Variants in PPP3CA observed in about 807,000 individuals in gnomAD.
PPP3CA encodes the protein protein phosphatase 3 catalytic subunit alpha, also known as CAM-PRP catalytic subunit.
A neutral mutation model predicts 66.5 loss-of-function variants in PPP3CA; 14 were observed. The ratio of observed to expected loss-of-function variants is 0.21; its 90% confidence interval spans 0.14 to 0.33. The LOEUF is 0.33. PPP3CA is among the 10% of genes least tolerant of loss of function. The pLI is 1.00. For missense variants in PPP3CA, 317 were observed against 639.5 expected, an observed-to-expected ratio of 0.50 and a Z score of 5.44; for synonymous variants, 232 against 226.2, an observed-to-expected ratio of 1.03 and a Z score of -0.23.
chr4:101,219,190 A>G (rs1725546590), intron 1 of PPP3CA, among the ~76,000 whole-genome samples: 1 of 151,940 alleles, frequency 6.6e-6, no homozygotes, highest in Non-Finnish European at 1.5e-5. Context: ...AAAGTTTCCT[A>G]TTTCATCACT....
intron 2 of PPP3CA, among the ~76,000 whole-genome samples, chr4:101,139,824 T>C (rs1242706218): frequency 6.6e-6 from 1 of 151,854 alleles, no homozygotes; most frequent in East Asian, 1.9e-4. Context: ...CTTTTTTCTA[T>C]TGGCTTGGGG....
At chr4:101,168,877 C>A (rs1402963795) in intron 2 of PPP3CA, among the ~76,000 whole-genome samples, 1 of 152,134 alleles carries the variant, frequency 6.6e-6, no homozygotes, top group Non-Finnish European at 1.5e-5. Flanking sequence ...TATCTGCTTA[C>A]ACATATGATG....
At chr4:101,088,781 GATT>G (rs1320569595) in intron 6 of PPP3CA, among the ~76,000 whole-genome samples, 1 of 152,010 alleles carries the variant, frequency 6.6e-6, no homozygotes, top group Non-Finnish European at 1.5e-5. Flanking sequence ...GCTCAGGTGT[GATT>G]TCAATAGACT....
intron 1 of PPP3CA, among the ~76,000 whole-genome samples, chr4:101,196,370 T>C (rs1286776951): frequency 1.3e-5 from 2 of 152,204 alleles, no homozygotes; most frequent in African/African-American, 4.8e-5. Flanking sequence ...GCATCTATAA[T>C]ATCCTGATTA....
At chr4:101,345,032 T>A (rs544881379) in intron 1 of PPP3CA, among the ~76,000 whole-genome samples, 2 of 152,164 alleles carry the variant, frequency 1.3e-5, no homozygotes, top group African/African-American at 4.8e-5. Flanking sequence ...CTCAAATAAA[T>A]GTGAATGGAC....
rs140072952 is a variant in PPP3CA at position 101,126,845 on chromosome 4, T to A, written c.260-17767A>T. Among the ~76,000 whole-genome samples, 745 of 152,292 alleles carry A rather than the reference T, an allele frequency of 4.9e-3. 4 individuals are homozygous for A. Among genetic ancestry groups the A allele is most frequent in the African/African-American group, 0.017 (702 of 41,554 alleles). On this transcript the variant is annotated intron_variant, in intron 2 of 13. Transcript: ENST00000394854. ...TTGGAAAATGGCCAGGCAACTACAA[T>A]CTACAATGCTGTTTTTATGAAGGTT... is the stretch of plus-strand genomic sequence containing the variant.
chr4:101,302,616 C>G (rs141378455), intron 1 of PPP3CA, among the ~76,000 whole-genome samples: 1 of 152,148 alleles, frequency 6.6e-6, no homozygotes, highest in African/African-American at 2.4e-5. Context: ...CCGCAACCTC[C>G]GCCTCCTGGT....
At chr4:101,227,846 G>A (rs1725832886) in intron 1 of PPP3CA, among the ~76,000 whole-genome samples, 1 of 151,702 alleles carries the variant, frequency 6.6e-6, no homozygotes, top group Admixed American at 6.6e-5. Context: ...AATTCATTTA[G>A]GATAATGTTC....
At chr4:101,036,566 C>T (rs1280126185) in intron 11 of PPP3CA, among the ~76,000 whole-genome samples, 1 of 152,160 alleles carries the variant, frequency 6.6e-6, no homozygotes, top group Non-Finnish European at 1.5e-5. Flanking sequence ...CACCTGCCAC[C>T]ACGCCCAGCT....
intron 2 of PPP3CA, among the ~76,000 whole-genome samples, chr4:101,123,401 A>G (rs938505345): frequency 3.3e-5 from 5 of 152,184 alleles, no homozygotes; most frequent in Admixed American, 2.6e-4. Context: ...AATGAAGAGG[A>G]GTTAGTCACA....
intron 9 of PPP3CA, among the ~76,000 whole-genome samples, chr4:101,062,274 T>A (rs1054425851): frequency 6.6e-6 from 1 of 151,994 alleles, no homozygotes; most frequent in African/African-American, 2.4e-5. Flanking sequence ...TCAGAGATTA[T>A]TAAAAATTTA....
In PPP3CA at chr4:101,106,449, GAAAGA is replaced by G. The variant is rs1730718837; in HGVS notation, c.384+2500_384+2504del. Among the ~76,000 whole-genome samples the G allele has an allele frequency of 2.0e-3, 11 of 5,548 alleles. 4 individuals carry two copies. Among genetic ancestry groups the G allele is most frequent in the African/African-American group, 4.1e-3 (10 of 2,426 alleles). 3.6% of individuals were successfully genotyped at this position (5,548 alleles called of 152,430 possible). ...AGAAAGAAAGAAAGAAAGAAAGAAA[GAAAGA>G]GAAAAGAAAAGAAAAGAAAAGAAAA... On this transcript the variant is annotated intron_variant, in intron 3 of 13. Coordinates refer to ENST00000394854, the MANE Select transcript of PPP3CA (RefSeq NM_000944.5).
intron 1 of PPP3CA, among the ~76,000 whole-genome samples, chr4:101,278,657 T>C (rs1164051625): frequency 2.0e-5 from 3 of 152,238 alleles, no homozygotes; most frequent in Admixed American, 2.0e-4. Context: ...GGCAATGTTA[T>C]ATATAGGTAG....
Position 101,340,443 on chromosome 4 carries a change from C to T in PPP3CA, c.58+6296G>A, listed in dbSNP as rs1454291276. On this transcript the variant is annotated intron_variant, in intron 1 of 13. Coordinates refer to ENST00000394854, the MANE Select transcript of PPP3CA (RefSeq NM_000944.5). ...TTATTTTTTTAATATCTAAAGCTTC[C>T]ACTACCCGAGTGCATATTTGTTAAA... is the stretch of plus-strand genomic sequence containing the variant. 2.0e-5 allele frequency among the ~76,000 whole-genome samples: 3 copies of T among 151,882 alleles called. No homozygotes were observed. The East Asian group carries it at 5.8e-4, about 29-fold the overall frequency.
intron 13 of PPP3CA, among the ~76,000 whole-genome samples, chr4:101,026,569 C>G (rs1726661213): frequency 1.3e-5 from 2 of 152,024 alleles, no homozygotes; most frequent in Admixed American, 6.6e-5. Context: ...CTAAAAGGAG[C>G]TAGAAAAGGA....
At chr4:101,059,727 C>A (rs185547160) in intron 10 of PPP3CA, among the ~76,000 whole-genome samples, 53 of 152,166 alleles carry the variant, frequency 3.5e-4, no homozygotes, top group African/African-American at 1.3e-3. Context: ...TATCTAGTTT[C>A]CCTTGCCCTC....
chr4:101,189,260 A>G (rs1335426496), intron 2 of PPP3CA, among the ~76,000 whole-genome samples: 1 of 152,172 alleles, frequency 6.6e-6, no homozygotes, highest in Non-Finnish European at 1.5e-5. Context: ...ATCATAATTT[A>G]CTATGTACAA....
chr4:101,225,591 C>T (rs865777558), intron 1 of PPP3CA, among the ~76,000 whole-genome samples: 9 of 151,600 alleles, frequency 5.9e-5, no homozygotes, highest in Non-Finnish European at 8.8e-5. Context: ...GTATCAGTTA[C>T]GGGCACAGCA....
intron 1 of PPP3CA, among the ~76,000 whole-genome samples, chr4:101,247,968 G>A (rs917707367): frequency 6.6e-6 from 1 of 152,130 alleles, no homozygotes; most frequent in Non-Finnish European, 1.5e-5. Flanking sequence ...GAGAAAGAGA[G>A]AGAGTTGAAT....
Sources: allele counts gnomAD v4.1 joint callset (sites outside exome capture counted in the v4.1 genomes callset), GRCh38; gene constraint gnomAD v4.1.1; transcripts MANE v1.5; gene names NCBI Gene and HGNC (gene_info 2026-07-23, HGNC 2026-07-21).